The following ZSCAN4 variants were observed in gnomAD, a reference collection of about 807,000 sequenced individuals.
ZSCAN4 encodes the protein zinc finger and SCAN domain containing 4, also known as zinc finger and SCAN domain-containing protein 4.
ZSCAN4 carries 18 observed loss-of-function variants against 18.3 expected under a neutral mutation model. The observed-to-expected ratio is 0.98, with a 90% CI of 0.68 to 1.46. The LOEUF is 1.46. ZSCAN4 is among the 40% of genes most tolerant of loss of function. ZSCAN4 has a pLI of 0.00. For missense variants in ZSCAN4, 498 were observed against 511.4 expected (o/e 0.97, Z 0.25); for synonymous variants, 193 against 180.3 (o/e 1.07, Z -0.57).
At chr19:57,665,908 G>A (rs376081077), upstream of ZSCAN4, among the ~76,000 whole-genome samples, 35 of 152,134 alleles carry the variant, frequency 2.3e-4, no homozygotes, top group African/African-American at 7.5e-4. Context: ...GTGAAACTCC[G>A]TCTCAATAAT....
the ZSCAN4 span, among the ~76,000 whole-genome samples, chr19:57,654,835 A>C: frequency 6.6e-6 from 1 of 152,102 alleles, no homozygotes; most frequent in African/African-American, 2.4e-5. Flanking sequence ...CACAGCTAAC[A>C]TGGACTATAT....
exon 5 of ZSCAN4, chr19:57,678,715 G>C: frequency 6.2e-7 from 1 of 1,614,164 alleles, no homozygotes; most frequent in Non-Finnish European, 8.5e-7. Flanking sequence ...TTCACATGCA[G>C]CATGTGTAAA....
intron 2 of ZSCAN4, among the ~76,000 whole-genome samples, chr19:57,673,818 A>G (rs895787697): frequency 5.3e-5 from 8 of 152,114 alleles, no homozygotes; most frequent in Admixed American, 1.3e-4. Context: ...CAGTGGCCCA[A>G]TCTCAACTCA....
the ZSCAN4 span, among the ~76,000 whole-genome samples, chr19:57,653,879 C>T: frequency 5.7e-3 from 862 of 152,310 alleles, 5 homozygotes; most frequent in South Asian, 0.012. Flanking sequence ...CTCAGCAAGA[C>T]GCTTCATCCT....
chr19:57,652,022 A>G, the ZSCAN4 span, among the ~76,000 whole-genome samples: 23 of 151,716 alleles, frequency 1.5e-4, no homozygotes, highest in Non-Finnish European at 2.4e-4. Context: ...CACTGCTCCA[A>G]CCCCCAAGGG....
chr19:57,677,854 CAA>C, intron 3 of ZSCAN4, 58 bp from the exon 4 acceptor site: 1 of 1,463,142 alleles, frequency 6.8e-7, no homozygotes, highest in South Asian at 1.6e-5. Flanking sequence ...ACCACTTTTC[CAA>C]AAAGTCTTCT....
At chr19:57,673,946 G>A (rs568044178) in intron 2 of ZSCAN4, among the ~76,000 whole-genome samples, 1 of 152,220 alleles carries the variant, frequency 6.6e-6, no homozygotes, top group East Asian at 1.9e-4. Flanking sequence ...TAGAGACGGG[G>A]TTTCGCCATG....
At chr19:57,671,301 C>A (rs967924442) in intron 2 of ZSCAN4, among the ~76,000 whole-genome samples, 1 of 152,082 alleles carries the variant, frequency 6.6e-6, no homozygotes, top group Admixed American at 6.6e-5. Flanking sequence ...CAGATTAGAG[C>A]TCCGGTAGCC....
At chr19:57,678,978 T>G in exon 5 of ZSCAN4, 1 of 1,418,276 alleles carries the variant, frequency 7.1e-7, no homozygotes, top group Non-Finnish European at 9.3e-7. Flanking sequence ...CTACTTAGGA[T>G]ATAAGATATA....
At chr19:57,669,438 GTT>G in intron 1 of ZSCAN4, among the ~76,000 whole-genome samples, 1 of 149,164 alleles carries the variant, frequency 6.7e-6, no homozygotes, top group Non-Finnish European at 1.5e-5. Context: ...TTGTTTGTTT[GTT>G]GGTTTTTGAG....
At chr19:57,659,677 G>T in the ZSCAN4 span, among the ~76,000 whole-genome samples, 1 of 151,994 alleles carries the variant, frequency 6.6e-6, no homozygotes, top group Non-Finnish European at 1.5e-5. Flanking sequence ...AGTTACCTTT[G>T]TTCTATGGGA....
chr19:57,662,987 A>C, the ZSCAN4 span, among the ~76,000 whole-genome samples: 1 of 151,824 alleles, frequency 6.6e-6, no homozygotes, highest in Admixed American at 6.6e-5. Flanking sequence ...GGTTCAAGAG[A>C]TCCTCCTGCC....
At chr19:57,671,848 T>G (rs1023276044) in intron 2 of ZSCAN4, among the ~76,000 whole-genome samples, 1 of 152,222 alleles carries the variant, frequency 6.6e-6, no homozygotes, top group Non-Finnish European at 1.5e-5. Flanking sequence ...CCAGATGAGA[T>G]TAACACAAAG....
chr19:57,670,334 T>C (rs1451092882), exon 2 of ZSCAN4: 1 of 152,272 alleles, frequency 6.6e-6, no homozygotes, highest in East Asian at 1.9e-4. Context: ...AGACAAGTGT[T>C]ATCCAATCAC....
At chr19:57,671,656 A>G (rs913375642) in intron 2 of ZSCAN4, among the ~76,000 whole-genome samples, 10 of 152,194 alleles carry the variant, frequency 6.6e-5, no homozygotes, top group Admixed American at 6.5e-4. Flanking sequence ...GGAGCCATCC[A>G]GAGAGTAGAG....
At chr19:57,659,495 A>G in the ZSCAN4 span, among the ~76,000 whole-genome samples, 2 of 152,196 alleles carry the variant, frequency 1.3e-5, no homozygotes, top group African/African-American at 4.8e-5. Context: ...TCTTGGGTTC[A>G]AAGGATCCTC....
the ZSCAN4 span, among the ~76,000 whole-genome samples, chr19:57,660,718 T>C: frequency 6.6e-6 from 1 of 152,236 alleles, no homozygotes; most frequent in Non-Finnish European, 1.5e-5. Context: ...TACTCTTCTC[T>C]ATCCTCAAAG....
the ZSCAN4 span, among the ~76,000 whole-genome samples, chr19:57,662,655 G>A: frequency 6.6e-6 from 1 of 151,748 alleles, no homozygotes; most frequent in South Asian, 2.1e-4. Context: ...TCCTCCTCCT[G>A]GTTCAAGTGA....
At chr19:57,667,972 G>A (rs1161773365), upstream of ZSCAN4, among the ~76,000 whole-genome samples, 1 of 152,038 alleles carries the variant, frequency 6.6e-6, no homozygotes, top group Non-Finnish European at 1.5e-5. Flanking sequence ...TGCGATCTTG[G>A]CTCACTGCAA....
Sources: gnomAD v4.1 joint callset for allele counts (sites outside exome capture counted in the v4.1 genomes callset) on GRCh38, gnomAD v4.1.1 for gene constraint, MANE v1.5 for transcripts, NCBI Gene and HGNC (gene_info 2026-07-23, HGNC 2026-07-21) for gene names.